Variants in ZHX2 observed in about 807,000 individuals in gnomAD.
The protein encoded by ZHX2 is zinc fingers and homeoboxes 2, also known as zinc fingers and homeoboxes protein 2.
Under a neutral mutation model 21.9 loss-of-function variants are expected in ZHX2, and 6 were observed. The ratio of observed to expected loss-of-function variants is 0.27; its 90% CI spans 0.15 to 0.54. The LOEUF (loss-of-function observed/expected upper bound fraction) is 0.54, where lower values mean the gene tolerates loss of function less well. Ranked by LOEUF, ZHX2 falls within the 20% of genes least tolerant of loss-of-function variation. The probability of loss-of-function intolerance (pLI) is 0.95; values close to 1 mark genes in which losing one functional copy is unlikely to be tolerated. For synonymous variants in ZHX2, 434 were observed against 437.1 expected, an observed-to-expected ratio of 0.99 and a Z score of 0.09; for missense variants, 908 against 1,090.7, an observed-to-expected ratio of 0.83 and a Z score of 2.36.
chr8:122,949,863 T>C (rs960214620), intron 2 of ZHX2, among the ~76,000 whole-genome samples: 1 of 152,172 alleles, frequency 6.6e-6, no homozygotes, highest in Non-Finnish European at 1.5e-5. Context: ...GCCACTGCAC[T>C]GCAACCTGGG....
At chr8:122,797,784 T>A (rs1175748931) in intron 1 of ZHX2, among the ~76,000 whole-genome samples, 3 of 152,216 alleles carry the variant, frequency 2.0e-5, no homozygotes, top group African/African-American at 7.2e-5. Flanking sequence ...CATTACAATT[T>A]GGTTTTACAT....
At chr8:122,959,575 G>T (rs1253227500) in intron 3 of ZHX2, among the ~76,000 whole-genome samples, 1 of 152,296 alleles carries the variant, frequency 6.6e-6, no homozygotes, top group East Asian at 1.9e-4. Flanking sequence ...ACGAACCAGA[G>T]AATTTTAAAA....
intron 2 of ZHX2, among the ~76,000 whole-genome samples, chr8:122,874,784 C>T (rs1303530592): frequency 6.6e-6 from 1 of 152,100 alleles, no homozygotes; most frequent in Non-Finnish European, 1.5e-5. Flanking sequence ...AAAGTCTGAG[C>T]TTCTAGACAG....
At chr8:122,870,638 CAAAAAAAAAAAAA>C (rs59071295) in intron 2 of ZHX2, among the ~76,000 whole-genome samples, 4 of 63,916 alleles carry the variant, frequency 6.3e-5, no homozygotes, top group African/African-American at 1.2e-4. Context: ...GTCTCTGTCT[CAAAAAAAAAAAAA>C]AAAAAAAAAA....
intron 1 of ZHX2, among the ~76,000 whole-genome samples, chr8:122,803,782 C>G (rs1180526698): frequency 1.3e-5 from 2 of 152,148 alleles, no homozygotes; most frequent in Non-Finnish European, 2.9e-5. Context: ...ATTATCCTCA[C>G]CTGAGCTTTT....
chr8:122,810,050 T>A (rs551761624), intron 1 of ZHX2, among the ~76,000 whole-genome samples: 36 of 152,246 alleles, frequency 2.4e-4, no homozygotes, highest in African/African-American at 7.7e-4. Context: ...CTGCTAAAAA[T>A]ATATATATAT....
At chr8:122,935,834 C>T (rs191519807) in intron 2 of ZHX2, among the ~76,000 whole-genome samples, 1 of 152,124 alleles carries the variant, frequency 6.6e-6, no homozygotes, top group African/African-American at 2.4e-5. Context: ...CACGCCCGGC[C>T]GAGAGTCACT....
chr8:122,834,602 T>C (rs1818456020), intron 1 of ZHX2, among the ~76,000 whole-genome samples: 1 of 152,216 alleles, frequency 6.6e-6, no homozygotes, highest in South Asian at 2.1e-4. Context: ...GTTAAAGACT[T>C]TGAAGGCTAA....
intron 2 of ZHX2, among the ~76,000 whole-genome samples, chr8:122,941,221 G>C (rs530097891): frequency 6.6e-6 from 1 of 152,284 alleles, no homozygotes; most frequent in Admixed American, 6.5e-5. Context: ...ACTCCAACCT[G>C]AGTGACAGAG....
chr8:122,852,395 T>C (rs2130745188), intron 1 of ZHX2, among the ~76,000 whole-genome samples: 1 of 152,204 alleles, frequency 6.6e-6, no homozygotes, highest in East Asian at 1.9e-4. Context: ...ACTTATTAAC[T>C]CATTTAATTC....
intron 1 of ZHX2, among the ~76,000 whole-genome samples, chr8:122,847,643 A>G (rs1563752582): frequency 6.6e-6 from 1 of 152,082 alleles, no homozygotes; most frequent in East Asian, 1.9e-4. Context: ...ACCAGAACCC[A>G]CCTTCGCACA....
chr8:122,804,224 T>C (rs922490182), intron 1 of ZHX2, among the ~76,000 whole-genome samples: 40 of 152,294 alleles, frequency 2.6e-4, no homozygotes, highest in African/African-American at 9.6e-4. Context: ...TTCTCCTGCC[T>C]CAGCCTCCCA....
At chr8:122,917,729 G>A (rs979041895) in intron 2 of ZHX2, among the ~76,000 whole-genome samples, 3 of 152,094 alleles carry the variant, frequency 2.0e-5, no homozygotes, top group African/African-American at 4.8e-5. Flanking sequence ...AACCCCTTGG[G>A]CCTTGGAATT....
Position 122,828,920 on chromosome 8 carries a change from A to C in ZHX2, c.-282-34557A>C, listed in dbSNP as rs1210811463. Among the ~76,000 whole-genome samples, 1 of 152,218 alleles carries C rather than the reference A, an allele frequency of 6.6e-6. No homozygotes were observed. Among genetic ancestry groups the C allele is most frequent in the African/African-American group, 2.4e-5 (1 of 41,440 alleles). On this transcript the variant is annotated intron_variant, in intron 1 of 3. Coordinates refer to ENST00000314393, the MANE Select transcript of ZHX2 (RefSeq NM_014943.5). The surrounding 1 kb of genome is among the most constrained non-coding windows in gnomAD (Gnocchi z 5.2). ...AATAATTCATTTATTTATCCACTAC[A>C]AATTGAAGAAATTGATCTTTTTTTC...
intron 1 of ZHX2, among the ~76,000 whole-genome samples, chr8:122,850,395 T>A (rs771727195): frequency 6.6e-6 from 1 of 152,024 alleles, no homozygotes; most frequent in Non-Finnish European, 1.5e-5. Flanking sequence ...CCCAGCACTT[T>A]AGGAGGCCAA....
At chr8:122,846,832 C>G (rs529013571) in intron 1 of ZHX2, among the ~76,000 whole-genome samples, 5 of 152,078 alleles carry the variant, frequency 3.3e-5, no homozygotes, top group Admixed American at 6.6e-5. Flanking sequence ...AAAGACCTCT[C>G]TTATATACAT....
chr8:122,801,679 AG>A (rs1401177823), intron 1 of ZHX2, among the ~76,000 whole-genome samples: 4 of 151,882 alleles, frequency 2.6e-5, no homozygotes, highest in Non-Finnish European at 4.4e-5. Flanking sequence ...TGAGCCTGGG[AG>A]GTAAAGGCTG....
intron 1 of ZHX2, among the ~76,000 whole-genome samples, chr8:122,838,661 C>T (rs1429614930): frequency 6.7e-6 from 1 of 149,758 alleles, no homozygotes; most frequent in Non-Finnish European, 1.5e-5. Flanking sequence ...CTGCAACTTC[C>T]ATCTCCCAGG....
At chr8:122,815,428 C>A (rs1405744790) in intron 1 of ZHX2, 1 of 152,390 alleles carries the variant, frequency 6.6e-6, no homozygotes, top group East Asian at 1.9e-4. Flanking sequence ...TCACAGATAA[C>A]TGTGTTTTAT....
Sources: gnomAD v4.1 joint callset for allele counts (sites outside exome capture counted in the v4.1 genomes callset) on GRCh38, gnomAD v4.1.1 for gene constraint, Gnocchi (gnomAD v3.1) non-coding constraint, MANE v1.5 for transcripts, NCBI Gene and HGNC (gene_info 2026-07-23, HGNC 2026-07-21) for gene names.